Variants in TNFRSF11B observed in about 807,000 individuals in gnomAD.
The protein encoded by TNFRSF11B is tumor necrosis factor receptor superfamily member 11B.
A neutral mutation model predicts 43.4 loss-of-function variants in TNFRSF11B; 16 were observed. The observed-to-expected ratio is 0.37, with a 90% CI of 0.25 to 0.56. TNFRSF11B has a LOEUF of 0.56. TNFRSF11B is among the 20% of genes least tolerant of loss of function. TNFRSF11B has a pLI of 0.80. For synonymous variants in TNFRSF11B, 185 were observed against 181.8 expected, an observed-to-expected ratio of 1.02 and a Z score of -0.14; for missense variants, 444 against 490.1, an observed-to-expected ratio of 0.91 and a Z score of 0.89.
chr8:118,936,744 A>C (rs1474750640), intron 1 of TNFRSF11B, among the ~76,000 whole-genome samples: 1 of 152,138 alleles, frequency 6.6e-6, no homozygotes, highest in Non-Finnish European at 1.5e-5. Context: ...CTGTAGAAGA[A>C]GGTACTCCGA....
In TNFRSF11B at chr8:118,923,685, C is replaced by A. The variant is rs1042675730; in HGVS notation, c.*689G>T. ...GATAATTTATATTTCATATGTTTTC[C>A]AACATTAAACAATTGACTAAATAAT... On this transcript the variant is annotated 3_prime_UTR_variant, in exon 5 of 5. Coordinates refer to ENST00000297350, the MANE Select transcript of TNFRSF11B (RefSeq NM_002546.4). The A allele has an allele frequency of 2.0e-4, 30 of 152,140 alleles. No homozygotes were observed. The highest frequency in any genetic ancestry group is 7.3e-4 in the African/African-American group (30 of 41,266). 9.4% of individuals were successfully genotyped at this position (152,140 alleles called of 1,614,324 possible). A position where few individuals can be genotyped will look rare whatever the true frequency, so the allele number is the denominator to read the frequency against.
intron 1 of TNFRSF11B, among the ~76,000 whole-genome samples, chr8:118,941,161 G>T (rs1812479097): frequency 6.6e-6 from 1 of 152,112 alleles, no homozygotes; most frequent in African/African-American, 2.4e-5. Context: ...ATCTCACATG[G>T]TGTTTTGTAT....
intron 1 of TNFRSF11B, among the ~76,000 whole-genome samples, chr8:118,951,520 TTCTCTC>T (rs10550502): frequency 2.0e-5 from 3 of 150,790 alleles, no homozygotes; most frequent in African/African-American, 4.9e-5. Flanking sequence ...TCAAACAAGT[TTCTCTC>T]TCTCTCTCTC....
intron 1 of TNFRSF11B, among the ~76,000 whole-genome samples, chr8:118,938,349 CAATA>C (rs1042821188): frequency 1.6e-4 from 24 of 152,156 alleles, no homozygotes; most frequent in African/African-American, 5.3e-4. Context: ...GAAGAATAAA[CAATA>C]TATATAATAT....
chr8:118,924,455 G>A lies in TNFRSF11B; in HGVS notation c.1125C>T (p.Phe375=), dbSNP rs756214536. The A allele has an allele frequency of 5.0e-6, 8 of 1,614,132 alleles. No homozygotes were observed. In the South Asian group the frequency reaches 6.6e-5, roughly 13 times the overall value. Residue 375 remains phenylalanine (F), a synonymous_variant, in exon 5 of 5, where the codon TTC becomes TTT. Coordinates refer to ENST00000297350, the MANE Select transcript of TNFRSF11B (RefSeq NM_002546.4). The stretch of plus-strand genomic sequence containing the variant: ...ACTTCTGATACAATTTGTACATTGT[G>A]AAGCTGTGAAGGAACCTGATGGTCT... The part of the protein sequence containing the change: ...LKKTIRFLHS[F]TMYKLYQKLF...
chr8:118,942,346 C>T (rs1812498497), intron 1 of TNFRSF11B, among the ~76,000 whole-genome samples: 1 of 151,506 alleles, frequency 6.6e-6, no homozygotes, highest in Admixed American at 6.6e-5. Flanking sequence ...GCATTGCTCA[C>T]ATTACCTTAT....
In TNFRSF11B at chr8:118,924,426, A is replaced by G. The variant is rs1446603708; in HGVS notation, c.1154T>C (p.Phe385Ser). 6.2e-7 allele frequency: 1 copy of G among 1,614,216 alleles called. No homozygotes were observed. Among genetic ancestry groups the G allele is most frequent in the Admixed American group, 1.7e-5 (1 of 60,030 alleles). Residue 385 changes from phenylalanine to serine, a missense_variant, in exon 5 of 5, where the codon TTT becomes TCT. Transcript: ENST00000297350. The stretch of plus-strand genomic sequence containing the variant: ...GACCTGGTTACCTATCATTTCTAAA[A>G]ATAACTTCTGATACAATTTGTACAT... The part of the protein sequence containing the change: ...FTMYKLYQKL[F>S]LEMIGNQVQS...
At chr8:118,949,199 C>G (rs3134067) in intron 1 of TNFRSF11B, among the ~76,000 whole-genome samples, 1 of 151,938 alleles carries the variant, frequency 6.6e-6, no homozygotes, top group Non-Finnish European at 1.5e-5. Context: ...TTTGCACTCA[C>G]AAAAAGAATC....
chr8:118,926,569 C>G lies in TNFRSF11B; in HGVS notation c.742G>C (p.Glu248Gln). ...ERIKRQHSSQ[E>Q]QTFQLLKLWK... ...AACTTCAGCAGCTGGAAAGTCTGTT[C>G]TTGTGAGCTGTGTTGCCGTTTTATC... The change falls in exon 4 of 5, where the codon GAA becomes CAA. Residue 248 changes from glutamate (E) to glutamine (Q), a missense_variant. Glu to Gln is a conservative substitution (Grantham distance 29). Coordinates refer to ENST00000297350, the MANE Select transcript of TNFRSF11B (RefSeq NM_002546.4). 4 of 1,614,072 alleles carry G rather than the reference C, an allele frequency of 2.5e-6. No individual in the cohort carries two copies. Among genetic ancestry groups the G allele is most frequent in the Non-Finnish European group, 3.4e-6 (4 of 1,179,990 alleles).
intron 1 of TNFRSF11B, among the ~76,000 whole-genome samples, chr8:118,948,228 G>A (rs1812594213): frequency 6.6e-6 from 1 of 151,878 alleles, no homozygotes; most frequent in African/African-American, 2.4e-5. Flanking sequence ...AGGCTTTAAT[G>A]CAAACAAATT....
intron 1 of TNFRSF11B, among the ~76,000 whole-genome samples, chr8:118,940,405 G>A (rs777967811): frequency 5.3e-5 from 8 of 152,132 alleles, no homozygotes; most frequent in Admixed American, 2.6e-4. Flanking sequence ...ATTAACAAAA[G>A]CACTTTCAGC....
rs1310367955 is a variant in TNFRSF11B, at chr8:118,924,661, CTT to C, written c.917_918del (p.Lys306SerfsTer7). On this transcript the variant is annotated frameshift_variant, in exon 5 of 5. Transcript: ENST00000297350. LOFTEE classifies it high-confidence loss of function. ...GTTTTTTCAATGTCTTCTGCTCCCA[CTT>C]TCTTTCCCGGTAAGCTTTCCATCAA... ...RSLMESLPGK[K>X]VGAEDIEKTI... is the part of the protein sequence containing the mutation. 6.2e-7 allele frequency: 1 copy of C among 1,614,200 alleles called. No homozygotes were observed. The highest frequency in any genetic ancestry group is 8.5e-7 in the Non-Finnish European group (1 of 1,180,042).
chr8:118,944,324 G>A (rs1172803319), intron 1 of TNFRSF11B, among the ~76,000 whole-genome samples: 3 of 152,080 alleles, frequency 2.0e-5, no homozygotes, highest in African/African-American at 4.8e-5. Flanking sequence ...CTGTCAAGGA[G>A]GAAAAGGGAA....
In TNFRSF11B at chr8:118,928,943, C is replaced by T. The variant is rs1007343131; in HGVS notation, c.401-14G>A. The T allele has an allele frequency of 6.2e-7, 1 of 1,613,362 alleles. No individual in the cohort carries two copies. The highest frequency in any genetic ancestry group is 1.1e-5 in the South Asian group (1 of 91,062). ...GCTCTGGGGTTCCTACAGAAAATAC[C>T]AAGCAATTTAGTACCTTCTCCTCAA... On this transcript the variant is annotated splice_polypyrimidine_tract_variant and intron_variant, in intron 2 of 4. Coordinates refer to ENST00000297350, the MANE Select transcript of TNFRSF11B (RefSeq NM_002546.4).
intron 1 of TNFRSF11B, among the ~76,000 whole-genome samples, chr8:118,949,649 C>T (rs1812612671): frequency 6.6e-6 from 1 of 152,146 alleles, no homozygotes; most frequent in African/African-American, 2.4e-5. Flanking sequence ...TTTATATTCC[C>T]AAGTCACCCA....
intron 3 of TNFRSF11B, among the ~76,000 whole-genome samples, chr8:118,927,575 AG>A (rs1255727251): frequency 2.0e-5 from 3 of 147,190 alleles, no homozygotes; most frequent in Non-Finnish European, 4.5e-5. Flanking sequence ...TTTTTAGATA[AG>A]AAAGCAAAGG....
At chr8:118,938,511 G>C (rs1205724445) in intron 1 of TNFRSF11B, among the ~76,000 whole-genome samples, 1 of 152,158 alleles carries the variant, frequency 6.6e-6, no homozygotes, top group Non-Finnish European at 1.5e-5. Flanking sequence ...CATATAAAAT[G>C]AATTTTTTGG....
intron 1 of TNFRSF11B, among the ~76,000 whole-genome samples, chr8:118,942,610 G>A (rs975553821): frequency 6.6e-6 from 1 of 151,966 alleles, no homozygotes; most frequent in Non-Finnish European, 1.5e-5. Flanking sequence ...TTATATATGG[G>A]GCTATATACT....
chr8:118,948,779 A>G lies in TNFRSF11B; in HGVS notation c.30+3013T>C, dbSNP rs530583197. ...TCTCTTAAAACAAAACAACAAAAAA[A>G]CAAACAAACAAACAAAAAAAAACTT... is the stretch of plus-strand genomic sequence containing the variant. On this transcript the variant is annotated intron_variant, in intron 1 of 4. Coordinates refer to ENST00000297350, the MANE Select transcript of TNFRSF11B (RefSeq NM_002546.4). 3.9e-5 allele frequency among the ~76,000 whole-genome samples: 4 copies of G among 103,556 alleles called. No individual in the cohort carries two copies. In the East Asian group the frequency reaches 9.1e-4, roughly 24 times the overall value. The allele number at this position is 103,556 out of a possible 152,430, so 67.9% of individuals were successfully genotyped here.
Sources: gnomAD v4.1 joint callset for allele counts (sites outside exome capture counted in the v4.1 genomes callset) on GRCh38, gnomAD v4.1.1 for gene constraint, MANE v1.5 for transcripts, NCBI Gene and HGNC (gene_info 2026-07-23, HGNC 2026-07-21) for gene names.